Variants in ZNF423 observed in about 807,000 individuals in gnomAD.
ZNF423 encodes the protein zinc finger protein 423.
ZNF423 carries 12 observed loss-of-function variants against 95.8 expected under a neutral mutation model. The observed-to-expected ratio is 0.13, with a 90% confidence interval of 0.08 to 0.20. The LOEUF is 0.20. Ranked by LOEUF, ZNF423 falls within the 10% of genes least tolerant of loss-of-function variation. The pLI is 1.00. For synonymous variants in ZNF423, 749 were observed against 711.9 expected (o/e 1.05, Z -0.83); for missense variants, 1,316 against 1,737.1 (o/e 0.76, Z 4.31).
intron 1 of ZNF423, among the ~76,000 whole-genome samples, chr16:49,842,205 TC>T (rs2035189236): frequency 7.2e-6 from 1 of 137,974 alleles, no homozygotes; most frequent in Non-Finnish European, 1.5e-5. Context: ...GGCACTGCAC[TC>T]CAGCCTGTGC....
intron 2 of ZNF423, among the ~76,000 whole-genome samples, chr16:49,756,888 G>C (rs1220030523): frequency 6.6e-6 from 1 of 152,214 alleles, no homozygotes; most frequent in Non-Finnish European, 1.5e-5. Context: ...ACAGGCCTCA[G>C]AACCCATGTC....
chr16:49,813,040 G>A (rs2034778640), intron 1 of ZNF423, among the ~76,000 whole-genome samples: 1 of 152,058 alleles, frequency 6.6e-6, no homozygotes, highest in South Asian at 2.1e-4. Flanking sequence ...ACTTGCCTTG[G>A]GGTGCTGCAT....
At chr16:49,789,768 AGTTATG>A (rs577232731) in intron 1 of ZNF423, among the ~76,000 whole-genome samples, 30 of 152,350 alleles carry the variant, frequency 2.0e-4, no homozygotes, top group African/African-American at 6.7e-4. Context: ...GTGCTGGATC[AGTTATG>A]GTTTCCCCAG....
rs147927682 is a variant in ZNF423 at position 49,806,113 on chromosome 16, C to T, written c.41-16567G>A. Among the ~76,000 whole-genome samples the T allele has an allele frequency of 5.3e-5, 8 of 152,380 alleles. No homozygotes were observed. The East Asian group carries it at 9.6e-4, about 18-fold the overall frequency. ...TAACCAGAAACGTGCAGCATATAAACGTGGATTTACAATGGGGTCTGGCTC... is the reference window on the plus strand; with the variant it reads ...TAACCAGAAACGTGCAGCATATAAATGTGGATTTACAATGGGGTCTGGCTC... On this transcript the variant is annotated intron_variant, in intron 1 of 7. Coordinates refer to ENST00000563137, the MANE Select transcript of ZNF423 (RefSeq NM_001379286.1).
chr16:49,827,858 C>A (rs1344566074), intron 1 of ZNF423, among the ~76,000 whole-genome samples: 1 of 152,014 alleles, frequency 6.6e-6, no homozygotes, highest in Non-Finnish European at 1.5e-5. Flanking sequence ...GTAGAATATC[C>A]CCTAACCCTG....
At chr16:49,505,132 A>G (rs1967579328) in intron 7 of ZNF423, among the ~76,000 whole-genome samples, 1 of 152,166 alleles carries the variant, frequency 6.6e-6, no homozygotes, top group African/African-American at 2.4e-5. Flanking sequence ...TATTCATCAA[A>G]ATATGATGAG....
chr16:49,525,555 CACA>C, intron 5 of ZNF423, 61 bp from the exon 6 acceptor site: 1 of 1,604,752 alleles, frequency 6.2e-7, no homozygotes, highest in South Asian at 1.1e-5. Context: ...GACAGGTGCT[CACA>C]AGGCCTCCCA....
At chr16:49,657,564 G>A (rs1225906569) in intron 3 of ZNF423, among the ~76,000 whole-genome samples, 1 of 152,242 alleles carries the variant, frequency 6.6e-6, no homozygotes, top group African/African-American at 2.4e-5. Context: ...GCCCCCAGGG[G>A]CAACCTTCAC....
intron 3 of ZNF423, among the ~76,000 whole-genome samples, chr16:49,676,194 T>C (rs1202571440): frequency 1.3e-5 from 2 of 152,242 alleles, no homozygotes; most frequent in Non-Finnish European, 1.5e-5. Context: ...TCACCGCAGA[T>C]TGGATTTTCC....
intron 3 of ZNF423, among the ~76,000 whole-genome samples, chr16:49,653,328 A>AG (rs2082146694): frequency 6.6e-6 from 1 of 151,856 alleles, no homozygotes; most frequent in Non-Finnish European, 1.5e-5. Flanking sequence ...AAAAAAAAAA[A>AG]AAAGAATTCA....
intron 1 of ZNF423, among the ~76,000 whole-genome samples, chr16:49,834,057 T>C (rs1597050962): frequency 6.6e-6 from 1 of 152,004 alleles, no homozygotes; most frequent in African/African-American, 2.4e-5. Flanking sequence ...CAGGACAGAG[T>C]GAAGATCCCA....
At position 49,638,949 on chromosome 16, in the gene ZNF423, C is replaced by T. The variant is rs943309069; in HGVS notation, c.302-75G>A. 3.3e-6 allele frequency: 5 copies of T among 1,500,862 alleles called. No individual in the cohort carries two copies. The highest frequency in any genetic ancestry group is 1.4e-5 in the South Asian group (1 of 73,736). 93.0% of individuals were successfully genotyped at this position (1,500,862 alleles called of 1,614,324 possible). On this transcript the variant is annotated intron_variant, in intron 3 of 7. Transcript: ENST00000563137. The surrounding 1 kb of genome is among the most constrained non-coding windows in gnomAD (Gnocchi z 5.6). ...AGAAACAAGGACAGAGCCAGCTTCT[C>T]GACAGCACGCGGGCTGAGGCTGTGC...
In ZNF423 at chr16:49,665,041, A is replaced by T. The variant is rs1313060520; in HGVS notation, c.302-26167T>A. Among the ~76,000 whole-genome samples, 4 of 152,302 alleles carry T rather than the reference A, an allele frequency of 2.6e-5. No individual in the cohort carries two copies. The East Asian group carries it at 7.7e-4, about 29-fold the overall frequency. On this transcript the variant is annotated intron_variant, in intron 3 of 7. Coordinates refer to ENST00000563137, the MANE Select transcript of ZNF423 (RefSeq NM_001379286.1). ...TCAGCCTTGGTCAGGTTATCAGCTG[A>T]GCTGGGCCTGGGGCTGGGGACTGGC...
chr16:49,503,072 A>AAC (rs1353911762), intron 7 of ZNF423, among the ~76,000 whole-genome samples: 3 of 141,844 alleles, frequency 2.1e-5, no homozygotes, highest in East Asian at 2.2e-4. Flanking sequence ...CCCCCCCAGA[A>AAC]ACACACACAC....
intron 3 of ZNF423, among the ~76,000 whole-genome samples, chr16:49,687,407 C>T (rs1453373070): frequency 3.3e-5 from 5 of 152,166 alleles, no homozygotes; most frequent in Non-Finnish European, 7.3e-5. Context: ...GGCAGGCAAC[C>T]GCCTCTCCCC....
intron 3 of ZNF423, among the ~76,000 whole-genome samples, chr16:49,677,302 A>AGAAGAGAAGGGAAGG (rs2031129609): frequency 5.3e-5 from 4 of 75,146 alleles, no homozygotes; most frequent in East Asian, 4.6e-4. Flanking sequence ...AGAAGAGAAG[A>AGAAGAGAAGGGAAGG]GAAGAGAAAG....
chr16:49,557,874 A>T (rs12932268), intron 5 of ZNF423, among the ~76,000 whole-genome samples: 34,069 of 152,104 alleles, frequency 0.22, 4,091 homozygotes, highest in East Asian at 0.41. Flanking sequence ...CAATTCTGGC[A>T]GCCAGATCTA....
chr16:49,823,995 G>T (rs768019118), intron 1 of ZNF423, among the ~76,000 whole-genome samples: 2 of 152,114 alleles, frequency 1.3e-5, no homozygotes, highest in Admixed American at 1.3e-4. Context: ...TGGGAAGATC[G>T]CTTGAGCCCA....
intron 1 of ZNF423, among the ~76,000 whole-genome samples, chr16:49,814,442 C>CA (rs935243135): frequency 1.3e-5 from 2 of 151,338 alleles, no homozygotes; most frequent in African/African-American, 4.9e-5. Flanking sequence ...GATCGGAGGG[C>CA]AAGCGGGACA....
Sources: gnomAD v4.1 joint callset for allele counts (sites outside exome capture counted in the v4.1 genomes callset) on GRCh38, gnomAD v4.1.1 for gene constraint, Gnocchi (gnomAD v3.1) non-coding constraint, MANE v1.5 for transcripts, NCBI Gene and HGNC (gene_info 2026-07-23, HGNC 2026-07-21) for gene names.